FBN2: variants seen among roughly 807,000 people sequenced by gnomAD.
FBN2 encodes the protein fibrillin-2.
FBN2 carries 105 observed loss-of-function variants against 355.6 expected under a neutral mutation model. The observed-to-expected ratio is 0.30, with a 90% CI of 0.25 to 0.35. FBN2 has a LOEUF of 0.35. Ranked by LOEUF, FBN2 falls within the 10% of genes least tolerant of loss-of-function variation. The pLI is 1.00. For missense variants in FBN2, 3,280 were observed against 3,758.7 expected (o/e 0.87, Z 3.33); for synonymous variants, 1,350 against 1,301.2 (o/e 1.04, Z -0.81).
intron 19 of FBN2, 69 bp downstream of exon 19, chr5:128,361,654 C>T: frequency 6.6e-7 from 1 of 1,510,990 alleles, no homozygotes; most frequent in African/African-American, 1.4e-5. Flanking sequence ...TGCTTCATCA[C>T]TGTAATTGAT....
intron 8 of FBN2, among the ~76,000 whole-genome samples, chr5:128,408,089 T>C (rs1013871342): frequency 1.3e-5 from 2 of 152,182 alleles, no homozygotes. Flanking sequence ...TGAGGGTAGC[T>C]CACTGTGCTG....
intron 20 of FBN2, among the ~76,000 whole-genome samples, chr5:128,356,046 T>G (rs961629451): frequency 4.6e-5 from 7 of 152,222 alleles, no homozygotes; most frequent in African/African-American, 1.7e-4. Flanking sequence ...ATTCATTTCC[T>G]TTGCATAATA....
In FBN2 at chr5:128,259,487, G is replaced by A. The variant is rs1040096557; in HGVS notation, c.8707C>T (p.Leu2903Phe). 4 of 1,613,498 alleles carry A rather than the reference G, an allele frequency of 2.5e-6. No homozygotes were observed. The highest frequency in any genetic ancestry group is 3.4e-6 in the Non-Finnish European group (4 of 1,179,998). Residue 2903 changes from leucine (L) to phenylalanine (F), a missense_variant, in exon 65 of 65, where the codon CTC becomes TTC. Around this residue, in one of 6 missense-constraint regions of FBN2, gnomAD observed 311 missense variants for 319.1 expected, o/e 0.97. Transcript: ENST00000262464. ...DYLLGELGEA[L>F]RMRLQIQLY ...AGCTGAATCTGCAGCCTCATTCTGAGAGCCTCCCCAAGCTCCCCTAGGAGG... is the reference window on the plus strand; with the variant it reads ...AGCTGAATCTGCAGCCTCATTCTGAAAGCCTCCCCAAGCTCCCCTAGGAGG...
intron 19 of FBN2, 136 bp downstream of exon 19, chr5:128,361,587 G>T: frequency 1.8e-6 from 2 of 1,124,736 alleles, no homozygotes; most frequent in Non-Finnish European, 2.6e-6. Flanking sequence ...AAAACTGGCA[G>T]ATTAGCTAAA....
At chr5:128,280,113 A>G (rs1765495585) in intron 56 of FBN2, 79 bp downstream of exon 56, 1 of 1,160,660 alleles carries the variant, frequency 8.6e-7, no homozygotes, top group Non-Finnish European at 1.3e-6. Context: ...ACAAGAATAT[A>G]TATGTGGAGC....
At chr5:128,437,724 T>C (rs1753804843) in intron 7 of FBN2, among the ~76,000 whole-genome samples, 2 of 151,774 alleles carry the variant, frequency 1.3e-5, no homozygotes, top group South Asian at 2.1e-4. Flanking sequence ...GCACCACATA[T>C]AGAGAGAGTA....
chr5:128,476,443 C>A, intron 5 of FBN2, among the ~76,000 whole-genome samples: 1 of 151,312 alleles, frequency 6.6e-6, no homozygotes, highest in Non-Finnish European at 1.5e-5. Flanking sequence ...AAAGAAAAAC[C>A]AAAGAAAATA....
At position 128,513,896 on chromosome 5, in the gene FBN2, A is replaced by G. The variant is rs187235017; in HGVS notation, c.628+5377T>C. On this transcript the variant is annotated intron_variant, in intron 5 of 64. Coordinates refer to ENST00000262464, the MANE Select transcript of FBN2 (RefSeq NM_001999.4). ...GCATTCAAGATAAGGGTATCAACTG[A>G]GCTAGTGCCAAAAAGTTAAGTTCCC... Among the ~76,000 whole-genome samples the G allele has an allele frequency of 3.4e-3, 521 of 151,816 alleles. 2 individuals carry two copies. The highest frequency in any genetic ancestry group is 0.012 in the African/African-American group (496 of 41,378).
At chr5:128,462,775 T>C (rs1209979796) in intron 6 of FBN2, among the ~76,000 whole-genome samples, 4 of 152,168 alleles carry the variant, frequency 2.6e-5, no homozygotes, top group African/African-American at 9.6e-5. Context: ...AGTCAATAAT[T>C]TGGAATGTTT....
chr5:128,406,485 C>T (rs1327660942), intron 8 of FBN2, among the ~76,000 whole-genome samples: 1 of 152,106 alleles, frequency 6.6e-6, no homozygotes, highest in Non-Finnish European at 1.5e-5. Context: ...AAAAGAAGTA[C>T]TTTATGGCTT....
chr5:128,537,853 C>G lies in FBN2; in HGVS notation c.-250G>C, dbSNP rs1243309767. 19 of 589,938 alleles carry G rather than the reference C, an allele frequency of 3.2e-5. No homozygotes were observed. The East Asian group carries it at 5.4e-4, about 17-fold the overall frequency. 36.5% of individuals were successfully genotyped at this position (589,938 alleles called of 1,614,324 possible). ...CGAGGCGCGGCGGAGGTGCAGCCGG[C>G]AGCCCCGAGCGGTACACGTTGCATA... On this transcript the variant is annotated 5_prime_UTR_variant, in exon 1 of 65. Coordinates refer to ENST00000262464, the MANE Select transcript of FBN2 (RefSeq NM_001999.4).
At chr5:128,278,129 C>T (rs1387548551) in intron 57 of FBN2, 124 bp from the exon 58 acceptor site, 1 of 915,296 alleles carries the variant, frequency 1.1e-6, no homozygotes, top group Non-Finnish European at 1.8e-6. Flanking sequence ...CCTAATAGCA[C>T]TGGAGCACCT....
chr5:128,272,182 C>T, intron 61 of FBN2, 64 bp from the exon 62 acceptor site: 1 of 1,580,596 alleles, frequency 6.3e-7, no homozygotes, highest in Non-Finnish European at 8.7e-7. Flanking sequence ...AAATGCACTC[C>T]AAACGAAACC....
At chr5:128,490,295 T>A (rs1755465970) in intron 5 of FBN2, among the ~76,000 whole-genome samples, 1 of 152,200 alleles carries the variant, frequency 6.6e-6, no homozygotes, top group African/African-American at 2.4e-5. Flanking sequence ...ATGTTAGCCA[T>A]ACTGATGGTG....
intron 11 of FBN2, among the ~76,000 whole-genome samples, chr5:128,385,753 C>T (rs530686644): frequency 2.9e-4 from 44 of 152,256 alleles, no homozygotes; most frequent in African/African-American, 9.4e-4. Flanking sequence ...AATATGGTAT[C>T]TCATTGTGGT....
In FBN2 at chr5:128,300,922, C is replaced by T. The variant is rs1272849179; in HGVS notation, c.6061G>A (p.Val2021Ile). The change falls in exon 48 of 65, where the codon GTC becomes ATC. Residue 2021 changes from valine to isoleucine, a missense_variant. This residue lies in a region of FBN2 where 2,284 missense variants were observed against 2,749.5 expected (regional missense o/e 0.83). Coordinates refer to ENST00000262464, the MANE Select transcript of FBN2 (RefSeq NM_001999.4). ...GGAGAGCAAGAGCCGGGAAGGGCGA[C>T]ACACTCATTAGTGTCTTTAGAGAAA... ...GKNCIDTNEC[V>I]ALPGSCSPGT... is the part of the protein sequence containing the mutation. 1.2e-6 allele frequency: 2 copies of T among 1,613,640 alleles called. No individual in the cohort carries two copies. Among genetic ancestry groups the T allele is most frequent in the Non-Finnish European group, 1.7e-6 (2 of 1,179,554 alleles).
chr5:128,334,636 G>T, intron 31 of FBN2, 83 bp downstream of exon 31: 1 of 1,441,490 alleles, frequency 6.9e-7, no homozygotes, highest in East Asian at 2.3e-5. Context: ...CGCTCTAAGA[G>T]ATGCCAGAGA....
chr5:128,306,831 A>C (rs1344803230), intron 42 of FBN2, among the ~76,000 whole-genome samples: 2 of 152,226 alleles, frequency 1.3e-5, no homozygotes, highest in Non-Finnish European at 2.9e-5. Flanking sequence ...AAGGTAGATT[A>C]TTTAGAGTCA....
At chr5:128,520,644 C>A (rs1756406281) in intron 4 of FBN2, among the ~76,000 whole-genome samples, 1 of 152,156 alleles carries the variant, frequency 6.6e-6, no homozygotes, top group South Asian at 2.1e-4. Flanking sequence ...AGAGTGATTT[C>A]TGTTCTGCTG....
Sources: allele counts gnomAD v4.1 joint callset (sites outside exome capture counted in the v4.1 genomes callset), GRCh38; gene constraint gnomAD v4.1.1; regional missense constraint gnomAD v4.1.1; transcripts MANE v1.5; gene names NCBI Gene and HGNC (gene_info 2026-07-23, HGNC 2026-07-21).